ZNF385D: variants seen among roughly 807,000 people sequenced by gnomAD.
ZNF385D encodes the protein zinc finger protein 385D.
In ZNF385D, 15 loss-of-function variants were observed where a neutral mutation model predicts 35.8. The observed-to-expected ratio is 0.42, with a 90% CI of 0.28 to 0.64. The LOEUF is 0.64. ZNF385D is among the 30% of genes least tolerant of loss of function. ZNF385D has a pLI of 0.23. For missense variants in ZNF385D, 474 were observed against 494.6 expected, an observed-to-expected ratio of 0.96 and a Z score of 0.39; for synonymous variants, 212 against 186.8, an observed-to-expected ratio of 1.13 and a Z score of -1.10.
At chr3:21,540,752 C>T (rs1253171030) in intron 3 of ZNF385D, among the ~76,000 whole-genome samples, 1 of 152,048 alleles carries the variant, frequency 6.6e-6, no homozygotes, top group Non-Finnish European at 1.5e-5. Context: ...AACCACATAC[C>T]CTGAATGTTA....
At chr3:22,029,490 C>A (rs1697786274) in intron 3 of ZNF385D, among the ~76,000 whole-genome samples, 1 of 152,156 alleles carries the variant, frequency 6.6e-6, no homozygotes, top group South Asian at 2.1e-4. Flanking sequence ...AAGGAAAACA[C>A]AGAATAAATA....
chr3:22,131,890 T>C (rs1212700156), intron 3 of ZNF385D, among the ~76,000 whole-genome samples: 2 of 152,172 alleles, frequency 1.3e-5, no homozygotes, highest in African/African-American at 2.4e-5. Flanking sequence ...GATTATTTTG[T>C]AGCATTAAGA....
At chr3:21,514,570 G>C (rs1369261669) in intron 3 of ZNF385D, among the ~76,000 whole-genome samples, 1 of 152,022 alleles carries the variant, frequency 6.6e-6, no homozygotes, top group African/African-American at 2.4e-5. Flanking sequence ...ATCAGTCACA[G>C]CAACTGGACT....
At chr3:22,286,078 G>A (rs980489548) in intron 2 of ZNF385D, among the ~76,000 whole-genome samples, 12 of 152,146 alleles carry the variant, frequency 7.9e-5, no homozygotes, top group Middle Eastern at 6.8e-3. Context: ...TGGTGTACAG[G>A]TAGCACTTAC....
intron 3 of ZNF385D, among the ~76,000 whole-genome samples, chr3:22,037,861 T>A (rs570723410): frequency 6.6e-6 from 1 of 152,142 alleles, no homozygotes; most frequent in Non-Finnish European, 1.5e-5. Context: ...AACAGCATGG[T>A]ACTGGTACCA....
rs1702055787 is a variant in ZNF385D at position 22,103,661 on chromosome 3, T to C, written c.325+65156A>G. Among the ~76,000 whole-genome samples the C allele has an allele frequency of 1.4e-5, 2 of 143,322 alleles. 1 individual carries two copies. The highest frequency in any genetic ancestry group is 4.3e-4 in the South Asian group (2 of 4,600). The allele number at this position is 143,322 out of a possible 152,430, so 94.0% of individuals were successfully genotyped here. A position where few individuals can be genotyped will look rare whatever the true frequency, so the allele number is the denominator to read the frequency against. ...CTATTTTGCAACTCAATGACCCACA[T>C]TTGGGTTAGTGCTTGTGGACACGTT... is the stretch of plus-strand genomic sequence containing the variant. On this transcript the variant is annotated intron_variant, in intron 3 of 5. Coordinates refer to the ZNF385D transcript ENST00000494108.
intron 3 of ZNF385D, among the ~76,000 whole-genome samples, chr3:21,764,969 C>G (rs1213895327): frequency 6.6e-6 from 1 of 152,118 alleles, no homozygotes; most frequent in African/African-American, 2.4e-5. Context: ...TAAAGATCTT[C>G]TAGCATTGAG....
At chr3:21,784,458 T>C (rs1158259882) in intron 3 of ZNF385D, among the ~76,000 whole-genome samples, 2 of 152,098 alleles carry the variant, frequency 1.3e-5, no homozygotes, top group African/African-American at 4.8e-5. Context: ...ATGGAAGCGA[T>C]AAAGAAATTC....
At chr3:21,895,426 A>C (rs1367847163) in intron 3 of ZNF385D, among the ~76,000 whole-genome samples, 1 of 144,548 alleles carries the variant, frequency 6.9e-6, no homozygotes, top group Non-Finnish European at 1.5e-5. Flanking sequence ...CTCTGGGTTC[A>C]AGTGATTCTC....
intron 1 of ZNF385D, among the ~76,000 whole-genome samples, chr3:21,692,499 T>C (rs193246664): frequency 1.3e-5 from 2 of 152,310 alleles, no homozygotes; most frequent in African/African-American, 4.8e-5. Flanking sequence ...TCTCCCATAT[T>C]TGGCCATTAA....
chr3:22,276,921 A>C (rs1701459558), intron 2 of ZNF385D, among the ~76,000 whole-genome samples: 1 of 152,142 alleles, frequency 6.6e-6, no homozygotes. Context: ...GTCAGAAATA[A>C]CAAGAGATTT....
chr3:21,459,080 C>T (rs1703007670), intron 4 of ZNF385D, among the ~76,000 whole-genome samples: 1 of 152,052 alleles, frequency 6.6e-6, no homozygotes, highest in Non-Finnish European at 1.5e-5. Context: ...GAGGGGAGCA[C>T]AGGTTCTATG....
At chr3:21,723,286 T>G (rs757846713) in intron 1 of ZNF385D, among the ~76,000 whole-genome samples, 4 of 152,112 alleles carry the variant, frequency 2.6e-5, no homozygotes, top group African/African-American at 9.7e-5. Flanking sequence ...GAAACAAAAC[T>G]GCATGGAGAA....
intron 3 of ZNF385D, among the ~76,000 whole-genome samples, chr3:22,089,407 A>G (rs1263237065): frequency 1.3e-5 from 2 of 152,206 alleles, no homozygotes; most frequent in South Asian, 2.1e-4. Context: ...GGGCACTAAA[A>G]GGACGCTGGA....
chr3:21,450,724 T>G (rs1183014196), intron 4 of ZNF385D, among the ~76,000 whole-genome samples: 1 of 152,182 alleles, frequency 6.6e-6, no homozygotes, highest in African/African-American at 2.4e-5. Flanking sequence ...GAAGAATGCT[T>G]AGACATTGAA....
At chr3:22,100,044 A>G (rs985450426) in intron 3 of ZNF385D, among the ~76,000 whole-genome samples, 2 of 151,800 alleles carry the variant, frequency 1.3e-5, no homozygotes, top group Non-Finnish European at 2.9e-5. Context: ...ACACTTCTCA[A>G]AAGAAGGCAT....
At chr3:21,673,253 A>G (rs1380793975) in intron 1 of ZNF385D, among the ~76,000 whole-genome samples, 1 of 152,180 alleles carries the variant, frequency 6.6e-6, no homozygotes, top group Non-Finnish European at 1.5e-5. Flanking sequence ...AATTAGTACA[A>G]TAAAAAAAAT....
At chr3:21,524,169 T>C (rs1185476756) in intron 3 of ZNF385D, among the ~76,000 whole-genome samples, 3 of 152,202 alleles carry the variant, frequency 2.0e-5, no homozygotes, top group African/African-American at 4.8e-5. Flanking sequence ...TTGAGTTTAA[T>C]GATCCTTAAA....
intron 3 of ZNF385D, among the ~76,000 whole-genome samples, chr3:21,910,991 C>G (rs56324124): frequency 1.1e-3 from 173 of 151,808 alleles, no homozygotes; most frequent in African/African-American, 3.8e-3. Context: ...TCTAAAATCC[C>G]TAGGATGAAA....
Sources: allele counts gnomAD v4.1 joint callset (sites outside exome capture counted in the v4.1 genomes callset), GRCh38; gene constraint gnomAD v4.1.1; transcripts MANE v1.5; gene names NCBI Gene and HGNC (gene_info 2026-07-23, HGNC 2026-07-21).